BRINP3: variants seen among roughly 807,000 people sequenced by gnomAD.
BRINP3 encodes the protein BMP/retinoic acid-inducible neural-specific protein 3.
In BRINP3, 19 loss-of-function variants were observed where a neutral mutation model predicts 71.0. The ratio of observed to expected loss-of-function variants is 0.27; its 90% CI spans 0.19 to 0.39. The LOEUF is 0.39. Among genes scored for constraint, BRINP3 ranks in the 10% least tolerant of loss-of-function variants. BRINP3 has a pLI of 1.00. For missense variants in BRINP3, 959 were observed against 940.8 expected, an observed-to-expected ratio of 1.02 and a Z score of -0.25; for synonymous variants, 380 against 337.7, an observed-to-expected ratio of 1.13 and a Z score of -1.37.
intron 2 of BRINP3, among the ~76,000 whole-genome samples, chr1:190,311,504 T>C (rs1480524002): frequency 6.6e-6 from 1 of 151,276 alleles, no homozygotes; most frequent in Non-Finnish European, 1.5e-5. Flanking sequence ...AAAGTAGAAA[T>C]TAAATAGAAA....
At chr1:190,448,287 T>C (rs1240590093) in intron 2 of BRINP3, among the ~76,000 whole-genome samples, 2 of 151,708 alleles carry the variant, frequency 1.3e-5, no homozygotes, top group Admixed American at 6.6e-5. Context: ...ATATTTAATT[T>C]ATTATGTTAA....
chr1:190,192,722 A>T (rs1305899053), intron 6 of BRINP3, among the ~76,000 whole-genome samples: 1 of 151,896 alleles, frequency 6.6e-6, no homozygotes, highest in African/African-American at 2.4e-5. Context: ...AGAAAAAAAT[A>T]TTAAACTGTG....
At chr1:190,309,321 T>A (rs1414722312) in intron 2 of BRINP3, among the ~76,000 whole-genome samples, 1 of 151,898 alleles carries the variant, frequency 6.6e-6, no homozygotes, top group Non-Finnish European at 1.5e-5. Context: ...AGTCATTTTT[T>A]AATAAATAGA....
intron 7 of BRINP3, among the ~76,000 whole-genome samples, 163 bp from the exon 8 acceptor site, chr1:190,099,297 TACAC>T (rs56359524): frequency 0.029 from 4,292 of 149,188 alleles, 146 homozygotes; most frequent in African/African-American, 0.08. Context: ...GACTATATAA[TACAC>T]ACACACACAC....
At chr1:190,154,036 T>C (rs1270800530) in intron 7 of BRINP3, 3 of 942,962 alleles carry the variant, frequency 3.2e-6, no homozygotes, top group Non-Finnish European at 3.8e-6. Flanking sequence ...GCCTCAAAGA[T>C]GCTGGGTTCT....
rs138865967 is a variant in BRINP3 at position 190,319,207 on chromosome 1, A to G, written c.237-37457T>C. 5.4e-3 allele frequency among the ~76,000 whole-genome samples: 828 copies of G among 152,200 alleles called. 5 individuals carry two copies. The highest frequency in any genetic ancestry group is 0.018 in the African/African-American group (757 of 41,532). ...TTTAGGATCTAAACCCAGGATATTT[A>G]TCTTCACATTCTCTTCTGAAGCTTG... On this transcript the variant is annotated intron_variant, in intron 2 of 7. Coordinates refer to ENST00000367462, the MANE Select transcript of BRINP3 (RefSeq NM_199051.3).
intron 2 of BRINP3, among the ~76,000 whole-genome samples, chr1:190,363,097 C>T (rs1669254628): frequency 6.6e-6 from 1 of 152,066 alleles, no homozygotes; most frequent in African/African-American, 2.4e-5. Flanking sequence ...TGGGCCCTGC[C>T]TAAAGGAAGA....
At chr1:190,401,257 A>AT (rs1671900678) in intron 2 of BRINP3, among the ~76,000 whole-genome samples, 1 of 150,742 alleles carries the variant, frequency 6.6e-6, no homozygotes, top group South Asian at 2.1e-4. Flanking sequence ...ACTTGGGAGG[A>AT]TGAGGCAGGA....
At chr1:190,326,272 G>T (rs911485194) in intron 2 of BRINP3, among the ~76,000 whole-genome samples, 1 of 152,082 alleles carries the variant, frequency 6.6e-6, no homozygotes, top group Non-Finnish European at 1.5e-5. Context: ...AAGTATTTGA[G>T]AAATATGGAG....
intron 4 of BRINP3, 58 bp from the exon 5 acceptor site, chr1:190,234,535 T>C (rs1658333133): frequency 1.6e-6 from 2 of 1,286,430 alleles, no homozygotes; most frequent in Non-Finnish European, 2.3e-6. Flanking sequence ...GTCCTTTTGG[T>C]TCACTGTAGT....
At chr1:190,344,975 T>A (rs935969053) in intron 2 of BRINP3, among the ~76,000 whole-genome samples, 31 of 151,890 alleles carry the variant, frequency 2.0e-4, no homozygotes, top group African/African-American at 6.8e-4. Context: ...TATAATTGTA[T>A]TGAATATGCA....
intron 2 of BRINP3, among the ~76,000 whole-genome samples, chr1:190,405,329 T>C (rs1433529476): frequency 1.3e-5 from 2 of 151,482 alleles, no homozygotes; most frequent in Non-Finnish European, 2.9e-5. Context: ...CGGGCGCCTG[T>C]AGTCCCAGCT....
chr1:190,139,542 A>G (rs1655260312), intron 7 of BRINP3, among the ~76,000 whole-genome samples: 1 of 152,046 alleles, frequency 6.6e-6, no homozygotes, highest in Non-Finnish European at 1.5e-5. Flanking sequence ...AATCATATTG[A>G]ATATGAATTA....
At position 190,245,742 on chromosome 1, in the gene BRINP3, TC is replaced by T. The variant is rs1659537305; in HGVS notation, c.619-11266del. On this transcript the variant is annotated intron_variant, in intron 4 of 7. Transcript: ENST00000367462. ...ACATTAGGTATATCTCCTAATGCTA[TC>T]CCTCCCCCCTCCCCCCACCCCACAA... 2.6e-5 allele frequency among the ~76,000 whole-genome samples: 3 copies of T among 115,728 alleles called. No homozygotes were observed. In the South Asian group the frequency reaches 1.0e-3, roughly 39 times the overall value. The allele number at this position is 115,728 out of a possible 152,430, so 75.9% of individuals were successfully genotyped here.
chr1:190,164,758 T>C (rs1465589231), intron 6 of BRINP3, among the ~76,000 whole-genome samples: 3 of 151,272 alleles, frequency 2.0e-5, no homozygotes, highest in Admixed American at 1.3e-4. Context: ...TTATCTTTTA[T>C]CTCTTTTTTT....
intron 2 of BRINP3, among the ~76,000 whole-genome samples, chr1:190,389,871 G>A (rs536392948): frequency 9.9e-5 from 15 of 151,852 alleles, no homozygotes; most frequent in East Asian, 5.8e-4. Context: ...AGAGAAAAGT[G>A]GAAGAAGTGA....
At chr1:190,276,635 A>T (rs747860605) in intron 3 of BRINP3, among the ~76,000 whole-genome samples, 4 of 149,356 alleles carry the variant, frequency 2.7e-5, no homozygotes, top group Non-Finnish European at 4.4e-5. Flanking sequence ...TTTTACATAC[A>T]CACACACACA....
At chr1:190,185,839 G>A (rs1313382986) in intron 6 of BRINP3, among the ~76,000 whole-genome samples, 2 of 152,000 alleles carry the variant, frequency 1.3e-5, no homozygotes, top group Admixed American at 6.6e-5. Flanking sequence ...GACTTTAAAA[G>A]GATATTTAAA....
At chr1:190,435,267 T>G (rs961869794) in intron 2 of BRINP3, among the ~76,000 whole-genome samples, 1 of 152,134 alleles carries the variant, frequency 6.6e-6, no homozygotes, top group Non-Finnish European at 1.5e-5. Flanking sequence ...CCAGCCAGAA[T>G]GTGTGGAATA....
Sources: gnomAD v4.1 joint callset for allele counts (sites outside exome capture counted in the v4.1 genomes callset) on GRCh38, gnomAD v4.1.1 for gene constraint, MANE v1.5 for transcripts, NCBI Gene and HGNC (gene_info 2026-07-23, HGNC 2026-07-21) for gene names.